Variants in FGF13 observed in about 807,000 individuals in gnomAD.
FGF13 encodes the protein fibroblast growth factor 13.
Under a neutral mutation model 19.5 loss-of-function variants are expected in FGF13, and 2 were observed. The observed-to-expected ratio is 0.10, with a 90% CI of 0.04 to 0.32. The LOEUF is 0.32. Ranked by LOEUF, FGF13 falls within the 10% of genes least tolerant of loss-of-function variation. FGF13 has a pLI of 1.00. For synonymous variants in FGF13, 72 were observed against 76.9 expected, an observed-to-expected ratio of 0.94 and a Z score of 0.33; for missense variants, 113 against 192.7, an observed-to-expected ratio of 0.59 and a Z score of 2.45.
chrX:138,991,335 C>G (rs904968168), intron 1 of FGF13, among the ~76,000 whole-genome samples: 4 of 112,153 alleles, frequency 3.6e-5, no homozygotes, highest in African/African-American at 1.3e-4. Context: ...TGTTATTGCT[C>G]TCATATATTG....
At chrX:138,866,502 G>A (rs2091324525) in intron 1 of FGF13, among the ~76,000 whole-genome samples, 1 of 111,788 alleles carries the variant, frequency 8.9e-6, no homozygotes, top group Non-Finnish European at 1.9e-5. Context: ...CTTGGGCGAT[G>A]TGGCAGATTG....
intron 1 of FGF13, among the ~76,000 whole-genome samples, chrX:139,107,057 G>A (rs1295689868): frequency 9.0e-6 from 1 of 111,521 alleles, no homozygotes; most frequent in Non-Finnish European, 1.9e-5. Flanking sequence ...GAGACCCTGG[G>A]GATATAAAAG....
chrX:139,008,369 C>T (rs2092113049), intron 1 of FGF13, among the ~76,000 whole-genome samples: 1 of 112,552 alleles, frequency 8.9e-6, no homozygotes. Flanking sequence ...AGCGTCACCT[C>T]CTGGCTGGAG....
At chrX:138,709,265 C>T (rs1351437844) in intron 1 of FGF13, among the ~76,000 whole-genome samples, 1 of 112,128 alleles carries the variant, frequency 8.9e-6, no homozygotes, top group Non-Finnish European at 1.9e-5. Context: ...AATTGTGCTA[C>T]TTTTCATGTG....
intron 1 of FGF13, among the ~76,000 whole-genome samples, chrX:138,718,083 G>A (rs2090122133): frequency 8.9e-6 from 1 of 112,506 alleles, no homozygotes; most frequent in East Asian, 2.8e-4. Flanking sequence ...TGGTGACAGA[G>A]TGTCTAGAGC....
At chrX:138,695,088 T>C (rs1423134193) in intron 3 of FGF13, among the ~76,000 whole-genome samples, 1 of 108,496 alleles carries the variant, frequency 9.2e-6, no homozygotes, top group African/African-American at 3.4e-5. Flanking sequence ...CTTGATTTTA[T>C]CATCAAAATT....
intron 3 of FGF13, among the ~76,000 whole-genome samples, chrX:138,647,256 T>A (rs1247321744): frequency 9.2e-6 from 1 of 108,679 alleles, no homozygotes; most frequent in Admixed American, 9.9e-5. Context: ...CCAGGACTCT[T>A]GAGAAGTTCA....
intron 1 of FGF13, among the ~76,000 whole-genome samples, chrX:138,718,304 A>G (rs1195927804): frequency 1.8e-5 from 2 of 112,194 alleles, no homozygotes; most frequent in African/African-American, 6.5e-5. Context: ...TTTCTTGCCC[A>G]GTGAACTAGG....
At chrX:138,889,205 A>G (rs1483850419) in intron 1 of FGF13, among the ~76,000 whole-genome samples, 1 of 111,807 alleles carries the variant, frequency 8.9e-6, no homozygotes, top group Non-Finnish European at 1.9e-5. Context: ...TTGCTGAACT[A>G]CAGAAGAGAA....
At chrX:138,944,785 T>C (rs1161945196) in intron 1 of FGF13, among the ~76,000 whole-genome samples, 2 of 111,551 alleles carry the variant, frequency 1.8e-5, no homozygotes, top group African/African-American at 6.5e-5. Context: ...TGTATTGCCA[T>C]TTCTCAAATA....
At chrX:138,710,448 G>T (rs935129842) in intron 1 of FGF13, among the ~76,000 whole-genome samples, 2 of 111,613 alleles carry the variant, frequency 1.8e-5, no homozygotes, top group African/African-American at 6.5e-5. Flanking sequence ...GGGGACGGGA[G>T]GATGGTGTCT....
chrX:139,021,317 A>T (rs2092177415), intron 1 of FGF13, among the ~76,000 whole-genome samples: 1 of 110,824 alleles, frequency 9.0e-6, no homozygotes, highest in East Asian at 2.8e-4. Flanking sequence ...TCTTTTATCA[A>T]TTTTACCAGT....
intron 1 of FGF13, among the ~76,000 whole-genome samples, chrX:138,964,016 T>C (rs1212883174): frequency 1.8e-5 from 2 of 111,578 alleles, no homozygotes; most frequent in South Asian, 3.7e-4. Context: ...GTTCAAATAA[T>C]AGGCAACTGT....
chrX:138,901,554 A>G (rs1348089577), intron 1 of FGF13, among the ~76,000 whole-genome samples: 3 of 110,850 alleles, frequency 2.7e-5, no homozygotes, highest in Non-Finnish European at 5.7e-5. Context: ...AGGCACCTAG[A>G]CTCTCTTGAA....
intron 1 of FGF13, among the ~76,000 whole-genome samples, chrX:139,152,334 A>C (rs776213844): frequency 9.8e-6 from 1 of 101,580 alleles, no homozygotes; most frequent in East Asian, 2.9e-4. Flanking sequence ...AACAAAAAAA[A>C]AAACGACGAG....
intron 1 of FGF13, among the ~76,000 whole-genome samples, chrX:139,033,098 CT>C (rs1265594542): frequency 2.0e-5 from 2 of 99,978 alleles, no homozygotes; most frequent in African/African-American, 7.3e-5. Context: ...GATTTTTTGG[CT>C]CTTCCTTTTC....
At chrX:138,853,824 C>G (rs1157256472), downstream of FGF13, among the ~76,000 whole-genome samples, 1 of 111,334 alleles carries the variant, frequency 9.0e-6, no homozygotes, top group East Asian at 2.8e-4. Flanking sequence ...ATTTATTTTT[C>G]CCTGTAGATT....
At chrX:138,896,279 C>T (rs188903880) in intron 1 of FGF13, among the ~76,000 whole-genome samples, 51 of 110,978 alleles carry the variant, frequency 4.6e-4, no homozygotes, top group African/African-American at 1.6e-3. Flanking sequence ...TCACATTGTA[C>T]CCCATAAATA....
intron 3 of FGF13, among the ~76,000 whole-genome samples, chrX:138,650,439 C>T (rs1222814375): frequency 8.9e-6 from 1 of 111,740 alleles, no homozygotes; most frequent in Non-Finnish European, 1.9e-5. Flanking sequence ...TTCAGAATGA[C>T]CCAAGTTGCC....
Sources: gnomAD v4.1 joint callset for allele counts (sites outside exome capture counted in the v4.1 genomes callset) on GRCh38, gnomAD v4.1.1 for gene constraint, MANE v1.5 for transcripts, NCBI Gene and HGNC (gene_info 2026-07-23, HGNC 2026-07-21) for gene names.